The following SMG6 variants were observed in gnomAD, a reference collection of about 807,000 sequenced individuals.
The protein encoded by SMG6 is telomerase-binding protein EST1A.
In SMG6, 66 loss-of-function variants were observed where a neutral mutation model predicts 142.2. That is an observed-to-expected ratio of 0.46 (90% CI 0.38 to 0.57). The LOEUF (loss-of-function observed/expected upper bound fraction) is 0.57, where lower values mean the gene tolerates loss of function less well. Ranked by LOEUF, SMG6 falls within the 20% of genes least tolerant of loss-of-function variation. The probability of loss-of-function intolerance (pLI) is 0.00; values close to 1 mark genes in which losing one functional copy is unlikely to be tolerated. For missense variants in SMG6, 1,793 were observed against 1,832.0 expected (o/e 0.98, Z 0.39); for synonymous variants, 779 against 702.4 (o/e 1.11, Z -1.72).
At chr17:2,185,711 A>T (rs2071959840) in intron 12 of SMG6, among the ~76,000 whole-genome samples, 1 of 150,228 alleles carries the variant, frequency 6.7e-6, no homozygotes, top group African/African-American at 2.5e-5. Flanking sequence ...GTGAGGGCAG[A>T]GGCATGGTGA....
intron 10 of SMG6, among the ~76,000 whole-genome samples, chr17:2,227,273 A>AATGTTC: frequency 6.6e-6 from 1 of 152,338 alleles, no homozygotes; most frequent in Admixed American, 6.5e-5. Flanking sequence ...CTTGCATATA[A>AATGTTC]ATGTTCATGG....
intron 13 of SMG6, among the ~76,000 whole-genome samples, chr17:2,125,226 C>T (rs2069833353): frequency 6.6e-6 from 1 of 152,042 alleles, no homozygotes; most frequent in African/African-American, 2.4e-5. Context: ...GACTTGTAGC[C>T]CTCTCATATC....
At chr17:2,081,701 G>T (rs2068428590) in intron 15 of SMG6, 109 bp downstream of exon 15, 2 of 1,306,702 alleles carry the variant, frequency 1.5e-6, no homozygotes, top group South Asian at 1.3e-5. Context: ...AACACTGCAG[G>T]ACTGACTCAC....
chr17:2,166,420 G>T (rs2071341035), intron 13 of SMG6, among the ~76,000 whole-genome samples: 2 of 152,124 alleles, frequency 1.3e-5, no homozygotes, highest in Admixed American at 1.3e-4. Flanking sequence ...GGGAAAAAAT[G>T]CCAAATGAAA....
At chr17:2,061,798 T>A in intron 18 of SMG6, 176 bp from the exon 19 acceptor site, 1 of 667,762 alleles carries the variant, frequency 1.5e-6, no homozygotes, top group Non-Finnish European at 2.5e-6. Flanking sequence ...CCTCCCCTGC[T>A]GGCCTAGAGA....
At chr17:2,247,059 T>G (rs2073943548) in intron 8 of SMG6, among the ~76,000 whole-genome samples, 1 of 152,202 alleles carries the variant, frequency 6.6e-6, no homozygotes, top group Non-Finnish European at 1.5e-5. Flanking sequence ...CTGGCCAGAA[T>G]GCAGATCTCT....
chr17:2,130,266 C>CAAAAAAAAAAAAAAAAAAAAAAAACA (rs903007543), intron 13 of SMG6, among the ~76,000 whole-genome samples: 1 of 39,532 alleles, frequency 2.5e-5, no homozygotes, highest in Non-Finnish European at 4.1e-5. Context: ...GACTCCGTCT[C>CAAAAAAAAAAAAAAAAAAAAAAAACA]AAAAAAAAAA....
At chr17:2,094,385 C>T (rs1211586070) in intron 13 of SMG6, among the ~76,000 whole-genome samples, 4 of 152,096 alleles carry the variant, frequency 2.6e-5, no homozygotes, top group African/African-American at 7.2e-5. Context: ...GCTACAGGCA[C>T]GTGCCACCAC....
intron 13 of SMG6, chr17:2,094,894 T>C (rs1214440439): frequency 6.6e-6 from 1 of 152,226 alleles, no homozygotes; most frequent in Non-Finnish European, 1.5e-5. Context: ...ACAGAAACTA[T>C]TCTTTTCTAG....
intron 15 of SMG6, among the ~76,000 whole-genome samples, chr17:2,070,753 C>T (rs553360232): frequency 6.6e-6 from 1 of 152,250 alleles, no homozygotes; most frequent in East Asian, 1.9e-4. Context: ...TGAAGTCTTC[C>T]TACTGATCTC....
intron 9 of SMG6, 86 bp downstream of exon 9, chr17:2,244,572 T>A: frequency 9.4e-7 from 1 of 1,067,568 alleles, no homozygotes; most frequent in South Asian, 1.3e-5. Context: ...TGCCCTCAGT[T>A]ACAAACACAG....
In SMG6 at chr17:2,119,228, T is replaced by C. The variant is rs2069606267; in HGVS notation, c.3358-33327A>G. 2.0e-5 allele frequency among the ~76,000 whole-genome samples: 3 copies of C among 151,664 alleles called. No individual in the cohort carries two copies. In the South Asian group the frequency reaches 6.2e-4, roughly 32 times the overall value. The stretch of plus-strand genomic sequence containing the variant: ...ATGTGCCACCACGCCCGGCTAATTT[T>C]TTGTATTTCTAGTAGAGATGGGGTT... On this transcript the variant is annotated intron_variant, in intron 13 of 18. Coordinates refer to ENST00000263073, the MANE Select transcript of SMG6 (RefSeq NM_017575.5).
intron 10 of SMG6, among the ~76,000 whole-genome samples, chr17:2,208,021 T>A (rs941628228): frequency 2.0e-5 from 3 of 152,114 alleles, no homozygotes; most frequent in African/African-American, 4.8e-5. Context: ...CCAAGCACTT[T>A]GGGAGGTCGA....
chr17:2,069,045 C>G, intron 15 of SMG6, 114 bp from the exon 16 acceptor site: 1 of 1,040,914 alleles, frequency 9.6e-7, no homozygotes, highest in Non-Finnish European at 1.4e-6. Flanking sequence ...CTCTTCCCCT[C>G]CACAGTAATA....
At chr17:2,156,944 G>A (rs754189715) in intron 13 of SMG6, among the ~76,000 whole-genome samples, 2 of 152,106 alleles carry the variant, frequency 1.3e-5, no homozygotes, top group Non-Finnish European at 2.9e-5. Flanking sequence ...TGGTGTCACC[G>A]GGTGTGTCTC....
intron 13 of SMG6, among the ~76,000 whole-genome samples, chr17:2,107,996 C>T (rs765722252): frequency 2.6e-5 from 4 of 152,182 alleles, no homozygotes; most frequent in Admixed American, 2.0e-4. Context: ...ACACCTGCCT[C>T]GCCTTCTGAA....
intron 6 of SMG6, among the ~76,000 whole-genome samples, chr17:2,285,021 T>C (rs961576092): frequency 6.6e-6 from 1 of 152,220 alleles, no homozygotes; most frequent in Non-Finnish European, 1.5e-5. Context: ...GTATCTATTG[T>C]TATGTCTTAT....
intron 10 of SMG6, among the ~76,000 whole-genome samples, chr17:2,191,117 T>C (rs557456209): frequency 2.1e-4 from 32 of 152,308 alleles, no homozygotes; most frequent in Non-Finnish European, 2.8e-4. Context: ...TCTGCAACCG[T>C]AGGACCTTTC....
At chr17:2,274,882 A>G (rs748520345) in intron 8 of SMG6, among the ~76,000 whole-genome samples, 3 of 151,978 alleles carry the variant, frequency 2.0e-5, no homozygotes, top group Non-Finnish European at 4.4e-5. Flanking sequence ...AACACTTTGG[A>G]AGGCTGAGGT....
Sources: allele counts gnomAD v4.1 joint callset (sites outside exome capture counted in the v4.1 genomes callset), GRCh38; gene constraint gnomAD v4.1.1; transcripts MANE v1.5; gene names NCBI Gene and HGNC (gene_info 2026-07-23, HGNC 2026-07-21).